POFUT3: variants seen among roughly 807,000 people sequenced by gnomAD.
POFUT3 encodes the protein protein O-fucosyltransferase 3.
the POFUT3 span, among the ~76,000 whole-genome samples, chr8:33,358,200 C>A: frequency 1.3e-5 from 2 of 152,176 alleles, no homozygotes; most frequent in Admixed American, 6.5e-5. Flanking sequence ...CTGCAGTGAG[C>A]CAGGATGGTG....
At chr8:33,423,818 TA>T in the POFUT3 span, among the ~76,000 whole-genome samples, 16 of 70,144 alleles carry the variant, frequency 2.3e-4, no homozygotes, top group South Asian at 1.6e-3. Flanking sequence ...GCACACCAAG[TA>T]AAAAAAAAAA....
At chr8:33,327,848 A>C in the POFUT3 span, among the ~76,000 whole-genome samples, 2 of 152,280 alleles carry the variant, frequency 1.3e-5, no homozygotes, top group South Asian at 4.1e-4. Flanking sequence ...TCCTGTTTTC[A>C]GGGCAGCGTG....
At chr8:33,460,287 C>T in the POFUT3 span, among the ~76,000 whole-genome samples, 12 of 151,198 alleles carry the variant, frequency 7.9e-5, no homozygotes, top group African/African-American at 2.7e-4. Flanking sequence ...CCAGGGAGGT[C>T]GAGGCTGCAG....
chr8:33,469,803 CTTTTTTTTTT>C, the POFUT3 span, among the ~76,000 whole-genome samples: 2 of 108,764 alleles, frequency 1.8e-5, no homozygotes. Context: ...TTTACTTTTT[CTTTTTTTTTT>C]TTTTTTTTTT....
the POFUT3 span, chr8:33,473,068 C>G: frequency 6.6e-6 from 1 of 152,244 alleles, no homozygotes; most frequent in Non-Finnish European, 1.5e-5. Context: ...ACTCACCTCG[C>G]GCGGAGCAGG....
chr8:33,455,628 A>G, the POFUT3 span: 6 of 277,908 alleles, frequency 2.2e-5, no homozygotes, highest in East Asian at 8.9e-5. Context: ...AAAGTTTAGT[A>G]GACTATGAAA....
the POFUT3 span, among the ~76,000 whole-genome samples, chr8:33,384,983 C>G: frequency 6.6e-6 from 1 of 152,162 alleles, no homozygotes. Context: ...TTACCAGGTA[C>G]TCCATCACTC....
chr8:33,459,959 G>A, the POFUT3 span, among the ~76,000 whole-genome samples: 2 of 152,172 alleles, frequency 1.3e-5, no homozygotes, highest in African/African-American at 2.4e-5. Flanking sequence ...ACTTTGGGAG[G>A]CCGAGGCGGG....
chr8:33,433,858 C>T, the POFUT3 span, among the ~76,000 whole-genome samples: 4 of 151,342 alleles, frequency 2.6e-5, no homozygotes, highest in African/African-American at 9.7e-5. Context: ...GTTCCAGGTA[C>T]TTGGGAGGCT....
the POFUT3 span, chr8:33,372,460 C>T: frequency 6.9e-7 from 1 of 1,451,992 alleles, no homozygotes. Flanking sequence ...ACTGCAGCAA[C>T]TAATTATTAT....
At chr8:33,356,612 T>G in the POFUT3 span, among the ~76,000 whole-genome samples, 10,313 of 151,938 alleles carry the variant, frequency 0.068, 559 homozygotes, top group Non-Finnish European at 0.1. Flanking sequence ...TTTCTCCCAT[T>G]TTGTAGGTTG....
chr8:33,401,240 C>A, the POFUT3 span, among the ~76,000 whole-genome samples: 3 of 152,282 alleles, frequency 2.0e-5, no homozygotes, highest in South Asian at 6.2e-4. Flanking sequence ...CCCACCTCAG[C>A]CTCCCAAAGT....
chr8:33,455,600 C>T, the POFUT3 span, among the ~76,000 whole-genome samples: 3 of 152,342 alleles, frequency 2.0e-5, no homozygotes, highest in East Asian at 3.9e-4. Flanking sequence ...AAGGGTTGAT[C>T]TGCTCCATAT....
chr8:33,468,110 G>A, the POFUT3 span, among the ~76,000 whole-genome samples: 2 of 152,052 alleles, frequency 1.3e-5, no homozygotes, highest in Admixed American at 6.6e-5. Flanking sequence ...TGTGGTGCCA[G>A]GCACCTGTAA....
the POFUT3 span, among the ~76,000 whole-genome samples, chr8:33,368,673 G>C: frequency 3.3e-5 from 5 of 152,122 alleles, no homozygotes; most frequent in Non-Finnish European, 7.3e-5. Flanking sequence ...CCAAGATTCA[G>C]AATTGGGAAA....
At chr8:33,447,355 A>C in the POFUT3 span, among the ~76,000 whole-genome samples, 1 of 152,136 alleles carries the variant, frequency 6.6e-6, no homozygotes, top group African/African-American at 2.4e-5. Context: ...AGGCTGAGGC[A>C]GGAGAATGGT....
the POFUT3 span, among the ~76,000 whole-genome samples, chr8:33,346,712 T>C: frequency 6.6e-6 from 1 of 152,122 alleles, no homozygotes; most frequent in Admixed American, 6.6e-5. Flanking sequence ...GTAAAAATGT[T>C]TGGAACATAT....
chr8:33,345,096 T>C, the POFUT3 span, among the ~76,000 whole-genome samples: 1 of 152,246 alleles, frequency 6.6e-6, no homozygotes, highest in East Asian at 1.9e-4. Context: ...AGATTTCTTA[T>C]GGACTAAAAT....
chr8:33,400,126 T>G, the POFUT3 span, among the ~76,000 whole-genome samples: 1 of 134,826 alleles, frequency 7.4e-6, no homozygotes, highest in Admixed American at 7.5e-5. Flanking sequence ...TTTGTTAAGT[T>G]CATTAAAAAA....
Sources: gnomAD v4.1 joint callset for allele counts (sites outside exome capture counted in the v4.1 genomes callset) on GRCh38, gnomAD v4.1.1 for gene constraint, MANE v1.5 for transcripts, NCBI Gene and HGNC (gene_info 2026-07-23, HGNC 2026-07-21) for gene names.